The following COL24A1 variants were observed in gnomAD, a reference collection of about 807,000 sequenced individuals.
COL24A1 encodes the protein collagen alpha-1(XXIV) chain.
In COL24A1, 224 loss-of-function variants were observed where a neutral mutation model predicts 253.9. That is an observed-to-expected ratio of 0.88 (90% CI 0.79 to 0.99). COL24A1 has a LOEUF of 0.99. Ranked by LOEUF, COL24A1 falls within the 50% of genes least tolerant of loss-of-function variation. The pLI is 0.00. For missense variants in COL24A1, 2,131 were observed against 2,068.5 expected (o/e 1.03, Z -0.59); for synonymous variants, 685 against 673.7 (o/e 1.02, Z -0.26).
chr1:85,987,575 A>G, intron 20 of COL24A1, 26 bp downstream of exon 20: 3 of 1,575,620 alleles, frequency 1.9e-6, no homozygotes, highest in Admixed American at 1.7e-5. Context: ...ATAATTGTTT[A>G]GTCTCTCTCT....
intron 5 of COL24A1, among the ~76,000 whole-genome samples, chr1:86,108,490 A>G (rs1457734501): frequency 6.6e-6 from 1 of 151,968 alleles, no homozygotes; most frequent in East Asian, 1.9e-4. Flanking sequence ...CTTATTAAGA[A>G]AGGACTCTCG....
chr1:85,938,693 T>G (rs80296648), intron 24 of COL24A1, among the ~76,000 whole-genome samples: 2,706 of 146,114 alleles, frequency 0.019, 297 homozygotes, highest in African/African-American at 0.063. Context: ...AGGTACTCCT[T>G]CAAGGAAGAA....
chr1:85,754,550 T>TAAAAA, intron 55 of COL24A1, among the ~76,000 whole-genome samples: 1 of 111,002 alleles, frequency 9.0e-6, no homozygotes, highest in Non-Finnish European at 1.8e-5. Context: ...AAAAAAAAAT[T>TAAAAA]AAAAAAAAAA....
At chr1:86,053,733 T>C (rs1272808702) in intron 10 of COL24A1, among the ~76,000 whole-genome samples, 2 of 152,038 alleles carry the variant, frequency 1.3e-5, no homozygotes, top group Non-Finnish European at 2.9e-5. Context: ...GTTTAAAAAT[T>C]ATGATGTGTT....
intron 2 of COL24A1, among the ~76,000 whole-genome samples, chr1:86,140,156 G>A (rs995620576): frequency 9.2e-5 from 14 of 152,188 alleles, no homozygotes; most frequent in Non-Finnish European, 1.5e-5. Flanking sequence ...CCACACGACA[G>A]CCTTGTGTAG....
chr1:86,099,158 A>G (rs1704240409), intron 5 of COL24A1, among the ~76,000 whole-genome samples: 1 of 152,206 alleles, frequency 6.6e-6, no homozygotes, highest in African/African-American at 2.4e-5. Flanking sequence ...AGAAAACAAC[A>G]TACTTCTAAA....
intron 10 of COL24A1, among the ~76,000 whole-genome samples, chr1:86,052,542 C>T (rs1700386846): frequency 6.6e-6 from 1 of 151,960 alleles, no homozygotes; most frequent in South Asian, 2.1e-4. Context: ...CAAATTCATA[C>T]AGACAGAAAG....
intron 10 of COL24A1, among the ~76,000 whole-genome samples, chr1:86,051,291 A>G (rs949303489): frequency 1.3e-5 from 2 of 152,180 alleles, no homozygotes; most frequent in African/African-American, 4.8e-5. Context: ...AGAGGGTCAT[A>G]CAAATAAATA....
intron 12 of COL24A1, among the ~76,000 whole-genome samples, chr1:86,043,559 C>T (rs987964708): frequency 4.0e-5 from 6 of 151,502 alleles, no homozygotes; most frequent in Admixed American, 3.3e-4. Context: ...GATGGAGTCT[C>T]GCTCTGTTGC....
At chr1:86,120,380 G>T (rs1271117482) in intron 3 of COL24A1, among the ~76,000 whole-genome samples, 1 of 152,146 alleles carries the variant, frequency 6.6e-6, no homozygotes, top group African/African-American at 2.4e-5. Context: ...GAAAATTTTT[G>T]CAATCTACTC....
chr1:85,766,828 C>A (rs1337798783), intron 53 of COL24A1, among the ~76,000 whole-genome samples: 1 of 151,848 alleles, frequency 6.6e-6, no homozygotes, highest in Non-Finnish European at 1.5e-5. Flanking sequence ...GATTGAGGCC[C>A]AGCGTGATGG....
chr1:85,912,152 C>T (rs1282025049), intron 24 of COL24A1, among the ~76,000 whole-genome samples: 1 of 151,988 alleles, frequency 6.6e-6, no homozygotes, highest in East Asian at 1.9e-4. Context: ...TAATAAGAGG[C>T]CAGCCAGCCA....
rs1238115835 is a variant in COL24A1 at position 86,112,570 on chromosome 1, T to C, written c.1596A>G (p.Pro532=). The C allele has an allele frequency of 2.5e-6, 4 of 1,613,122 alleles. No homozygotes were observed. The highest frequency in any genetic ancestry group is 1.1e-5 in the South Asian group (1 of 90,876). The change falls in exon 5 of 60, where the codon CCA becomes CCG. Residue 532 remains proline, a synonymous_variant. Transcript: ENST00000370571. ...TGCCTGATTAGTAGTCACTTACCTTTGGACCAGGTAATCCAGGTAAACCAG... is the reference window on the plus strand; with the variant it reads ...TGCCTGATTAGTAGTCACTTACCTTCGGACCAGGTAATCCAGGTAAACCAG... The part of the protein sequence containing the change: ...GNPGLPGLPG[P]KGPKGDPGFS...
At chr1:86,033,564 G>A (rs2101536554) in intron 13 of COL24A1, among the ~76,000 whole-genome samples, 1 of 152,106 alleles carries the variant, frequency 6.6e-6, no homozygotes, top group Non-Finnish European at 1.5e-5. Flanking sequence ...TTTTATATAA[G>A]GCTTGTTAGT....
rs185922052 is a variant in COL24A1, at chr1:85,927,074, G to A, written c.2563-15641C>T. Among the ~76,000 whole-genome samples, 161 of 152,214 alleles carry A rather than the reference G, an allele frequency of 1.1e-3. 1 individual carries two copies. Among genetic ancestry groups the A allele is most frequent in the African/African-American group, 3.8e-3 (158 of 41,544 alleles). ...GTTAAGAATGTGTGTAGGGGGAGGA[G>A]GAGCCAAGACGGCCGAATAGGAACA... On this transcript the variant is annotated intron_variant, in intron 24 of 59. Coordinates refer to ENST00000370571, the MANE Select transcript of COL24A1 (RefSeq NM_152890.7).
At chr1:85,771,122 C>T (rs115294029) in intron 53 of COL24A1, among the ~76,000 whole-genome samples, 5,552 of 152,210 alleles carry the variant, frequency 0.036, 111 homozygotes, top group Middle Eastern at 0.082. Context: ...TATTATTATA[C>T]TTTAAGTTCT....
rs1256965678 is a variant in COL24A1 at position 85,937,307 on chromosome 1, T to C, written c.2562+23942A>G. Among the ~76,000 whole-genome samples, 2 of 147,186 alleles carry C rather than the reference T, an allele frequency of 1.4e-5. 1 individual carries two copies. Among genetic ancestry groups the C allele is most frequent in the East Asian group, 4.3e-4 (2 of 4,666 alleles). On this transcript the variant is annotated intron_variant, in intron 24 of 59. Coordinates refer to ENST00000370571, the MANE Select transcript of COL24A1 (RefSeq NM_152890.7). ...TCATTCACTTTGTGAGCAAGAGAGG[T>C]TGCTTGAGGTTAGAATAGGTACAGA...
intron 2 of COL24A1, among the ~76,000 whole-genome samples, chr1:86,140,352 T>C (rs1650894509): frequency 6.6e-6 from 1 of 152,230 alleles, no homozygotes; most frequent in Admixed American, 6.5e-5. Context: ...TGGCAATCGT[T>C]TCTTAGAAGT....
In COL24A1 at chr1:85,908,587, C is replaced by T; in HGVS notation, c.2724+11G>A. 1 of 1,416,656 alleles carries T rather than the reference C, an allele frequency of 7.1e-7. No individual in the cohort carries two copies. The highest frequency in any genetic ancestry group is 9.6e-7 in the Non-Finnish European group (1 of 1,046,548). 87.8% of individuals were successfully genotyped at this position (1,416,656 alleles called of 1,614,324 possible). ...TTCCGGAAGGAATCATAAAGTCTTTCCTGTACTTACAGGTAATCCCAATGG... is the reference window on the plus strand; with the variant it reads ...TTCCGGAAGGAATCATAAAGTCTTTTCTGTACTTACAGGTAATCCCAATGG... On this transcript the variant is annotated intron_variant, in intron 27 of 59. Transcript: ENST00000370571.
Sources: gnomAD v4.1 joint callset for allele counts (sites outside exome capture counted in the v4.1 genomes callset) on GRCh38, gnomAD v4.1.1 for gene constraint, MANE v1.5 for transcripts, NCBI Gene and HGNC (gene_info 2026-07-23, HGNC 2026-07-21) for gene names.